The following PFAS variants were observed in gnomAD, a reference collection of about 807,000 sequenced individuals.
The protein encoded by PFAS is phosphoribosylformylglycinamidine synthase, also known as FGAM synthase.
A neutral mutation model predicts 140.6 loss-of-function variants in PFAS; 97 were observed. That is an observed-to-expected ratio of 0.69 (90% CI 0.59 to 0.82). The LOEUF is 0.82. Ranked by LOEUF, PFAS falls within the 40% of genes least tolerant of loss-of-function variation. PFAS has a pLI of 0.00. For missense variants in PFAS, 1,656 were observed against 1,780.2 expected (o/e 0.93, Z 1.26); for synonymous variants, 679 against 718.8 (o/e 0.94, Z 0.88).
rs1477157148 is a variant in PFAS at position 8,269,102 on chromosome 17, C to T, written c.3855C>T (p.Cys1285=). Residue 1285 remains cysteine (C), a synonymous_variant, in exon 28 of 28, where the codon TGC becomes TGT. Transcript: ENST00000314666. ...CCCCAGGGGGCGTGGCTGGCATCTG[C>T]TCCTGTGATGGCCGCCACCTGGCTG... ...NGSPGGVAGI[C]SCDGRHLAVM... 10 of 1,614,048 alleles carry T rather than the reference C, an allele frequency of 6.2e-6. No individual in the cohort carries two copies. The highest frequency in any genetic ancestry group is 7.6e-6 in the Non-Finnish European group (9 of 1,180,052).
At position 8,267,008 on chromosome 17, in the gene PFAS, A is replaced by C; in HGVS notation, c.2968-20A>C. ...GCCATCCTTTCTCCTAGCCCGTGGGAGATTTGTTCCTCTTCCTAGGTCCGG... is the reference window on the plus strand; with the variant it reads ...GCCATCCTTTCTCCTAGCCCGTGGGCGATTTGTTCCTCTTCCTAGGTCCGG... On this transcript the variant is annotated intron_variant, in intron 23 of 27. Coordinates refer to ENST00000314666, the MANE Select transcript of PFAS (RefSeq NM_012393.3). This position sits in a 1 kb window ranked among gnomAD's most constrained non-coding sequence, Gnocchi z 4.9. The C allele has an allele frequency of 6.2e-7, 1 of 1,612,682 alleles. No homozygotes were observed. Among genetic ancestry groups the C allele is most frequent in the Non-Finnish European group, 8.5e-7 (1 of 1,179,820 alleles).
In PFAS at chr17:8,263,779, G is replaced by GCCT. The variant is rs776444095; in HGVS notation, c.1634_1635insCCT (p.Gly545_Asp546insLeu). On this transcript the variant is annotated inframe_insertion, in exon 15 of 28. Transcript: ENST00000314666. ...CTCCCCGCCGTGGCTGTGCAGCTTG[G>GCCT]GGACCCAACCCTGAATGCCCTGGAA... The GCCT allele has an allele frequency of 1.9e-5, 31 of 1,613,252 alleles. No homozygotes were observed. The highest frequency in any genetic ancestry group is 2.5e-5 in the Non-Finnish European group (29 of 1,179,534).
intron 17 of PFAS, 84 bp downstream of exon 17, chr17:8,264,685 G>A (rs950832967): frequency 6.9e-7 from 1 of 1,439,038 alleles, no homozygotes; most frequent in African/African-American, 1.4e-5. Context: ...AAGTGCTGTG[G>A]GGGTTTTTGC....
At position 8,269,113 on chromosome 17, in the gene PFAS, G is replaced by C; in HGVS notation, c.3866G>C (p.Gly1289Ala). 6.2e-7 allele frequency: 1 copy of C among 1,614,076 alleles called. No individual in the cohort carries two copies. Among genetic ancestry groups the C allele is most frequent in the Non-Finnish European group, 8.5e-7 (1 of 1,180,024 alleles). The change falls in exon 28 of 28, where the codon GGC (glycine) becomes GCC (alanine). Residue 1289 changes from glycine to alanine, a missense_variant. Gly to Ala is a moderately conservative substitution (Grantham distance 60). This residue lies in a region of PFAS where 883 missense variants were observed against 1,023.0 expected (regional missense o/e 0.86). Transcript: ENST00000314666. ...GTGGCTGGCATCTGCTCCTGTGATG[G>C]CCGCCACCTGGCTGTCATGCCTCAC... ...GGVAGICSCDGRHLAVMPHPE... is the reference protein window; with the variant it reads ...GGVAGICSCDARHLAVMPHPE...
At position 8,255,015 on chromosome 17, in the gene PFAS, C is replaced by T. The variant is rs370324837; in HGVS notation, c.279-12C>T. On this transcript the variant is annotated splice_polypyrimidine_tract_variant and intron_variant, in intron 3 of 27. Coordinates refer to ENST00000314666, the MANE Select transcript of PFAS (RefSeq NM_012393.3). The stretch of plus-strand genomic sequence containing the variant: ...GGGTTCTCCAGTCCTAACCATCAGG[C>T]CCATTGTTCAGGCTGAACTTCTCCA... 6.4e-4 allele frequency: 1,027 copies of T among 1,600,092 alleles called. No individual in the cohort carries two copies. The highest frequency in any genetic ancestry group is 8.5e-4 in the Non-Finnish European group (992 of 1,167,440).
Position 8,255,057 on chromosome 17 carries a change from C to T in PFAS, c.309C>T (p.Asn103=). 1 of 1,614,044 alleles carries T rather than the reference C, an allele frequency of 6.2e-7. No individual in the cohort carries two copies. Among genetic ancestry groups the T allele is most frequent in the Non-Finnish European group, 8.5e-7 (1 of 1,179,964 alleles). ...ACTTCTCCACCCCAACATCCACCAA[C>T]ATCGTGTCAGTGTGCCGCGCCACTG... ...RLNFSTPTST[N]IVSVCRATGL... The change falls in exon 4 of 28, where the codon AAC becomes AAT. Residue 103 remains asparagine (N), a synonymous_variant. Coordinates refer to ENST00000314666, the MANE Select transcript of PFAS (RefSeq NM_012393.3).
intron 18 of PFAS, 55 bp downstream of exon 18, chr17:8,265,180 C>T (rs1390600032): frequency 1.3e-6 from 2 of 1,565,860 alleles, no homozygotes; most frequent in Admixed American, 1.7e-5. Context: ...GACCCTTCCA[C>T]ATCCATCTGT....
At chr17:8,261,106 A>G (rs777636350) in intron 11 of PFAS, among the ~76,000 whole-genome samples, 4 of 152,226 alleles carry the variant, frequency 2.6e-5, no homozygotes, top group Admixed American at 1.3e-4. Context: ...GTTTCTCCAC[A>G]TGCTTGACAA....
Position 8,269,290 on chromosome 17 carries a change from C to T in PFAS, c.*26C>T. The T allele has an allele frequency of 1.9e-6, 3 of 1,556,300 alleles. No homozygotes were observed. The highest frequency in any genetic ancestry group is 1.2e-5 in the South Asian group (1 of 84,436). The stretch of plus-strand genomic sequence containing the variant: ...CTGGCCACAGGGGCTCACCTGGGCC[C>T]CATGGCTTTTCACCTAAGTGGGTCC... On this transcript the variant is annotated 3_prime_UTR_variant, in exon 28 of 28. Coordinates refer to ENST00000314666, the MANE Select transcript of PFAS (RefSeq NM_012393.3).
chr17:8,256,588 C>T lies in PFAS; in HGVS notation c.886C>T (p.Gln296Ter). The change falls in exon 8 of 28, where the codon CAG becomes TAG. Residue 296 changes from glutamine to a stop codon, truncating the protein, a stop_gained. Transcript: ENST00000314666. LOFTEE classifies it high-confidence loss of function. ...PEDPTRPSRF[Q>*]QQQGLRHVVF... Reference sequence around the variant, plus strand: ...GGACCCCACACGGCCAAGCCGCTTCCAGCAACAGCAAGGGCTGAGACATGT... The same window carrying T: ...GGACCCCACACGGCCAAGCCGCTTCTAGCAACAGCAAGGGCTGAGACATGT... The T allele has an allele frequency of 1.2e-6, 2 of 1,614,188 alleles. No homozygotes were observed. The highest frequency in any genetic ancestry group is 2.7e-5 in the African/African-American group (2 of 75,066).
chr17:8,259,382 T>A (rs1336122564), intron 11 of PFAS, among the ~76,000 whole-genome samples: 2 of 152,152 alleles, frequency 1.3e-5, no homozygotes, highest in Non-Finnish European at 2.9e-5. Flanking sequence ...GCAGTTCTCC[T>A]GCTTCAGCCT....
rs138992348 is a variant in PFAS at position 8,251,425 on chromosome 17, G to A, written c.-80+2086G>A. ...GCCTCTTGAGTAGCTGGGACCACAG[G>A]TACATGCCACCATGCCCCACTAATT... On this transcript the variant is annotated intron_variant, in intron 1 of 27. Transcript: ENST00000314666. 1.6e-3 allele frequency among the ~76,000 whole-genome samples: 236 copies of A among 152,140 alleles called. 2 individuals carry two copies. The highest frequency in any genetic ancestry group is 5.2e-3 in the African/African-American group (218 of 41,536).
Position 8,268,976 on chromosome 17 carries a change from G to A in PFAS, c.3729G>A (p.Pro1243=), listed in dbSNP as rs746397945. The change falls in exon 28 of 28, where the codon CCG becomes CCA. Residue 1243 remains proline (P), a synonymous_variant. Transcript: ENST00000314666. ...HGEGYVAFSS[P]ELQAQIEARG... ...CAGGTTACGTAGCATTTTCTTCTCC[G>A]GAACTCCAAGCTCAGATTGAGGCCA... 18 of 1,614,156 alleles carry A rather than the reference G, an allele frequency of 1.1e-5. No homozygotes were observed. The highest frequency in any genetic ancestry group is 1.4e-5 in the Non-Finnish European group (16 of 1,180,026).
In PFAS at chr17:8,264,716, AG is replaced by A; in HGVS notation, c.2049+119del. 2.4e-6 allele frequency: 3 copies of A among 1,230,946 alleles called. No homozygotes were observed. In the East Asian group the frequency reaches 7.0e-5, roughly 29 times the overall value. The allele number at this position is 1,230,946 out of a possible 1,614,324, so 76.3% of individuals were successfully genotyped here. ...TTTGCCTGGCCCTGCAGGAAGCAGCAGGGGCAGGGCAGCCACCCTGATGGCC... is the reference window on the plus strand; with the variant it reads ...TTTGCCTGGCCCTGCAGGAAGCAGCAGGGCAGGGCAGCCACCCTGATGGCC... On this transcript the variant is annotated intron_variant, in intron 17 of 27. Coordinates refer to ENST00000314666, the MANE Select transcript of PFAS (RefSeq NM_012393.3).
chr17:8,259,667 A>G (rs1989514624), intron 11 of PFAS, among the ~76,000 whole-genome samples: 1 of 152,164 alleles, frequency 6.6e-6, no homozygotes, highest in South Asian at 2.1e-4. Context: ...GTACACCTGT[A>G]GTCCCAGCTA....
At position 8,263,806 on chromosome 17, in the gene PFAS, T is replaced by TC. The variant is rs1989694920; in HGVS notation, c.1662dup (p.Trp555LeufsTer4). 6.2e-7 allele frequency: 1 copy of TC among 1,613,992 alleles called. No homozygotes were observed. Among genetic ancestry groups the TC allele is most frequent in the African/African-American group, 1.3e-5 (1 of 74,990 alleles). On this transcript the variant is annotated frameshift_variant, in exon 15 of 28. Transcript: ENST00000314666. LOFTEE classifies it high-confidence loss of function. Reference sequence around the variant, plus strand: ...GACCCAACCCTGAATGCCCTGGAAATCTGGGGGGCTGAGTACCAGGAATCA... The same window carrying TC: ...GACCCAACCCTGAATGCCCTGGAAATCCTGGGGGGCTGAGTACCAGGAATCA...
chr17:8,255,404 TG>T (rs1394256391), intron 4 of PFAS, 97 bp from the exon 5 acceptor site: 12 of 947,572 alleles, frequency 1.3e-5, no homozygotes, highest in Non-Finnish European at 1.9e-5. Flanking sequence ...GGTGTGGCAG[TG>T]GGCTAGCCTT....
intron 11 of PFAS, among the ~76,000 whole-genome samples, chr17:8,259,427 T>G (rs1351685089): frequency 1.3e-5 from 2 of 151,932 alleles, no homozygotes; most frequent in African/African-American, 2.4e-5. Flanking sequence ...TGAGCCATGG[T>G]GCCCAGCCAG....
chr17:8,263,524 G>A (rs1989678292), intron 13 of PFAS, 51 bp from the exon 14 acceptor site: 2 of 1,514,146 alleles, frequency 1.3e-6, no homozygotes, highest in Admixed American at 1.7e-5. Context: ...ACTGCCCTTT[G>A]TTGCCTGACC....
Sources: allele counts gnomAD v4.1 joint callset (sites outside exome capture counted in the v4.1 genomes callset), GRCh38; gene constraint gnomAD v4.1.1; regional missense constraint gnomAD v4.1.1; non-coding constraint Gnocchi (gnomAD v3.1); transcripts MANE v1.5; gene names NCBI Gene and HGNC (gene_info 2026-07-23, HGNC 2026-07-21).